The following PRKCH variants were observed in gnomAD, a reference collection of about 807,000 sequenced individuals.
PRKCH encodes protein kinase C eta type.
PRKCH carries 28 observed loss-of-function variants against 82.5 expected under a neutral mutation model. The observed-to-expected ratio is 0.34, with a 90% confidence interval of 0.25 to 0.47. PRKCH has a LOEUF of 0.47. Among genes scored for constraint, PRKCH ranks in the 20% least tolerant of loss-of-function variants. The pLI is 1.00. For synonymous variants in PRKCH, 322 were observed against 327.4 expected, an observed-to-expected ratio of 0.98 and a Z score of 0.18; for missense variants, 705 against 881.8, an observed-to-expected ratio of 0.80 and a Z score of 2.54.
intron 1 of PRKCH, among the ~76,000 whole-genome samples, chr14:61,209,516 G>T (rs1164817456): frequency 1.3e-5 from 2 of 151,978 alleles, no homozygotes; most frequent in Non-Finnish European, 2.9e-5. Context: ...TAACTATCAT[G>T]AAGCAATGAG....
chr14:61,210,290 A>T (rs2044564641), intron 1 of PRKCH, among the ~76,000 whole-genome samples: 1 of 151,492 alleles, frequency 6.6e-6, no homozygotes, highest in Admixed American at 6.6e-5. Context: ...CTCCAGCCTG[A>T]GTGACAGAGC....
chr14:61,297,055 A>G (rs1277222448), intron 1 of PRKCH, among the ~76,000 whole-genome samples: 2 of 139,570 alleles, frequency 1.4e-5, no homozygotes, highest in Non-Finnish European at 3.1e-5. Context: ...TTACTATTTT[A>G]TTATTATTTC....
chr14:61,224,470 T>C lies in PRKCH; in HGVS notation c.-19+36802T>C, dbSNP rs2044680367. On this transcript the variant is annotated intron_variant, in intron 1 of 3. Coordinates refer to the PRKCH transcript ENST00000555185. ...GAGATCATGCATTGGTTGTCTTGTC[T>C]TCTTTGGCTCCTTTTTGCTGTGACA... Among the ~76,000 whole-genome samples, 2 of 152,226 alleles carry C rather than the reference T, an allele frequency of 1.3e-5. 1 individual carries two copies. The highest frequency in any genetic ancestry group is 4.1e-4 in the South Asian group (2 of 4,834).
chr14:61,221,679 C>A (rs958143222), intron 1 of PRKCH, among the ~76,000 whole-genome samples: 8 of 152,106 alleles, frequency 5.3e-5, no homozygotes, highest in African/African-American at 1.9e-4. Context: ...CTAGCCCATG[C>A]CTAGTGGCCT....
At chr14:61,388,399 A>G (rs1041948847) in intron 1 of PRKCH, among the ~76,000 whole-genome samples, 1 of 152,122 alleles carries the variant, frequency 6.6e-6, no homozygotes, top group Non-Finnish European at 1.5e-5. Context: ...CCTGCTTCTA[A>G]CTGGTGGAAT....
chr14:61,531,819 T>C (rs1171824079), intron 12 of PRKCH, among the ~76,000 whole-genome samples: 2 of 152,236 alleles, frequency 1.3e-5, no homozygotes, highest in African/African-American at 4.8e-5. Flanking sequence ...AGTTCATTTG[T>C]TATATTAGTA....
chr14:61,218,449 T>G (rs984546779), intron 1 of PRKCH, among the ~76,000 whole-genome samples: 3 of 152,164 alleles, frequency 2.0e-5, no homozygotes, highest in African/African-American at 7.2e-5. Flanking sequence ...GAAGCTTTGG[T>G]AAGGAAATGA....
chr14:61,493,577 G>T (rs1886545037), intron 10 of PRKCH, among the ~76,000 whole-genome samples: 1 of 152,220 alleles, frequency 6.6e-6, no homozygotes, highest in African/African-American at 2.4e-5. Context: ...AGAAGGGAAA[G>T]AATCATTATT....
At chr14:61,189,406 T>G (rs1005443027) in intron 1 of PRKCH, among the ~76,000 whole-genome samples, 1 of 152,190 alleles carries the variant, frequency 6.6e-6, no homozygotes, top group Non-Finnish European at 1.5e-5. Flanking sequence ...CTGTAAGATA[T>G]TCCCCTTCTC....
intron 1 of PRKCH, among the ~76,000 whole-genome samples, chr14:61,262,257 T>C (rs2045054794): frequency 7.1e-6 from 1 of 140,918 alleles, no homozygotes; most frequent in South Asian, 2.2e-4. Flanking sequence ...GCATTACTCA[T>C]AATAGCTCCA....
At chr14:61,495,739 G>A (rs1886642388) in intron 10 of PRKCH, among the ~76,000 whole-genome samples, 2 of 152,058 alleles carry the variant, frequency 1.3e-5, no homozygotes, top group Admixed American at 1.3e-4. Context: ...AAAAATACAG[G>A]AAATAAAACA....
intron 13 of PRKCH, among the ~76,000 whole-genome samples, chr14:61,549,334 C>G (rs1566939741): frequency 6.6e-6 from 1 of 152,174 alleles, no homozygotes; most frequent in Non-Finnish European, 1.5e-5. Context: ...AGCTGCACAC[C>G]CCTCAGCGAG....
chr14:61,258,869 C>A (rs1040495720), intron 1 of PRKCH, among the ~76,000 whole-genome samples: 15 of 152,188 alleles, frequency 9.9e-5, no homozygotes, highest in African/African-American at 3.6e-4. Flanking sequence ...TCATGTGATG[C>A]AAGGTGAAAT....
At chr14:61,324,712 A>C (rs532325634) in intron 1 of PRKCH, among the ~76,000 whole-genome samples, 1 of 152,018 alleles carries the variant, frequency 6.6e-6, no homozygotes, top group Admixed American at 6.5e-5. Context: ...TCCCACTTCA[A>C]CCTCCCAAAG....
At chr14:61,403,649 G>A (rs1011314929) in intron 2 of PRKCH, among the ~76,000 whole-genome samples, 3 of 152,168 alleles carry the variant, frequency 2.0e-5, no homozygotes, top group Non-Finnish European at 2.9e-5. Flanking sequence ...AGGCAGTCAC[G>A]ATACTTCTGA....
intron 1 of PRKCH, among the ~76,000 whole-genome samples, chr14:61,308,702 C>T (rs957065202): frequency 2.6e-5 from 4 of 152,258 alleles, no homozygotes; most frequent in Non-Finnish European, 4.4e-5. Flanking sequence ...AAACACGGTT[C>T]ACTGCAGCCT....
chr14:61,457,930 A>G (rs1884854072), intron 9 of PRKCH, among the ~76,000 whole-genome samples: 1 of 152,190 alleles, frequency 6.6e-6, no homozygotes, highest in African/African-American at 2.4e-5. Context: ...CAGGATTGAA[A>G]AGGTCATCAT....
In PRKCH at chr14:61,236,510, C is replaced by T. The variant is rs182173008; in HGVS notation, c.-19+48842C>T. 4.3e-3 allele frequency among the ~76,000 whole-genome samples: 656 copies of T among 151,990 alleles called. 2 individuals carry two copies. Among genetic ancestry groups the T allele is most frequent in the Non-Finnish European group, 8.0e-3 (544 of 67,992 alleles). On this transcript the variant is annotated intron_variant, in intron 1 of 3. Coordinates refer to the PRKCH transcript ENST00000555185. ...GGATCATGAGGTCAGGAGTTCAAGA[C>T]CAGCCTGGCCAAGATGGTGAAACCC...
intron 2 of PRKCH, among the ~76,000 whole-genome samples, chr14:61,407,660 T>C (rs1021170227): frequency 7.2e-5 from 11 of 152,170 alleles, no homozygotes; most frequent in Admixed American, 1.3e-4. Context: ...GTGTTGGACG[T>C]CCTCATTTGA....
Sources: gnomAD v4.1 joint callset for allele counts (sites outside exome capture counted in the v4.1 genomes callset) on GRCh38, gnomAD v4.1.1 for gene constraint, MANE v1.5 for transcripts, NCBI Gene and HGNC (gene_info 2026-07-23, HGNC 2026-07-21) for gene names.